ZNF69: variants seen among roughly 807,000 people sequenced by gnomAD.
ZNF69 encodes ZNF3.
In ZNF69, 47 loss-of-function variants were observed where a neutral mutation model predicts 50.9. That is an observed-to-expected ratio of 0.92 (90% confidence interval 0.73 to 1.18). The LOEUF (loss-of-function observed/expected upper bound fraction) is 1.18, where lower values mean the gene tolerates loss of function less well. Ranked by LOEUF, ZNF69 falls within the 50% of genes most tolerant of loss-of-function variation. The pLI is 0.00. For missense variants in ZNF69, 717 were observed against 675.1 expected (o/e 1.06, Z -0.69); for synonymous variants, 216 against 223.1 (o/e 0.97, Z 0.29).
At chr19:11,919,783 C>T in the ZNF69 span, among the ~76,000 whole-genome samples, 322 of 152,276 alleles carry the variant, frequency 2.1e-3, 2 homozygotes, top group African/African-American at 6.8e-3. Context: ...CAGGAAGACA[C>T]TCTTCACTAG....
At chr19:11,920,104 CTTTTTTT>C in the ZNF69 span, among the ~76,000 whole-genome samples, 2 of 137,234 alleles carry the variant, frequency 1.5e-5, no homozygotes, top group East Asian at 2.1e-4. Context: ...GGAACTTTTA[CTTTTTTT>C]TTTTTTTTTT....
chr19:11,906,824 CTT>C (rs2145246022), downstream of ZNF69, among the ~76,000 whole-genome samples: 1 of 152,306 alleles, frequency 6.6e-6, no homozygotes, highest in East Asian at 1.9e-4. Flanking sequence ...TGGACTTTGA[CTT>C]TGACGAGCTG....
At chr19:11,946,041 G>A in the ZNF69 span, among the ~76,000 whole-genome samples, 1 of 152,170 alleles carries the variant, frequency 6.6e-6, no homozygotes, top group African/African-American at 2.4e-5. Flanking sequence ...CTATGTCCTT[G>A]TCCCTGACTG....
the ZNF69 span, among the ~76,000 whole-genome samples, chr19:11,921,818 T>G: frequency 5.3e-5 from 8 of 152,152 alleles, no homozygotes; most frequent in African/African-American, 1.9e-4. Context: ...ATGGAAATAT[T>G]TCAAAGGGAA....
Position 11,913,737 on chromosome 19 carries a change from ACCTCTGAGTG to A in ZNF69, c.*331_*340del, listed in dbSNP as rs1411544103. 7.2e-5 allele frequency: 13 copies of A among 181,430 alleles called. No homozygotes were observed. The East Asian group carries it at 1.7e-3, about 24-fold the overall frequency. 11.2% of individuals were successfully genotyped at this position (181,430 alleles called of 1,614,324 possible). On this transcript the variant is annotated 3_prime_UTR_variant, in exon 5 of 5. Transcript: ENST00000340180. ...CATAATACCAACAGTTATCTCATGT[ACCTCTGAGTG>A]CCTTCTTCCCAAAAGCCAGCAGTAC...
the ZNF69 span, among the ~76,000 whole-genome samples, chr19:11,920,431 A>G: frequency 6.6e-6 from 1 of 152,072 alleles, no homozygotes; most frequent in Non-Finnish European, 1.5e-5. Flanking sequence ...GTATATAAAT[A>G]TGTGTGTGTG....
At chr19:11,978,508 G>A in the ZNF69 span, 1 of 1,614,112 alleles carries the variant, frequency 6.2e-7, no homozygotes, top group African/African-American at 1.3e-5. Flanking sequence ...GTAATGCACA[G>A]TGGGGATGGA....
the ZNF69 span, chr19:11,965,325 G>T: frequency 6.9e-7 from 1 of 1,448,306 alleles, no homozygotes; most frequent in Non-Finnish European, 9.5e-7. Context: ...GTCTGGGACC[G>T]AGTCCTCCTG....
chr19:11,977,322 T>G, the ZNF69 span: 1 of 1,605,746 alleles, frequency 6.2e-7, no homozygotes, highest in Non-Finnish European at 8.5e-7. Context: ...AATAATTTTT[T>G]CACAGTTTTA....
the ZNF69 span, among the ~76,000 whole-genome samples, chr19:11,965,630 A>G: frequency 6.2e-3 from 944 of 152,330 alleles, 6 homozygotes; most frequent in African/African-American, 0.022. Flanking sequence ...ATTAACAATT[A>G]AAGAGTTCAT....
Position 11,904,873 on chromosome 19 carries a change from A to G in ZNF69, c.476A>G (p.Tyr159Cys). ...CACAAGGCCTATGAGTATCAGGAAT[A>G]TGGACCGAAGCCATGTAAGTGTCAA... ...IGHKAYEYQEYGPKPCKCQQP... is the reference protein window; with the variant it reads ...IGHKAYEYQECGPKPCKCQQP... Residue 159 changes from tyrosine to cysteine, a missense_variant, in exon 4 of 4, where the codon TAT becomes TGT. Coordinates refer to ENST00000429654, the MANE Select transcript of ZNF69 (RefSeq NM_001364730.1). The G allele has an allele frequency of 6.2e-7, 1 of 1,614,208 alleles. No homozygotes were observed. Among genetic ancestry groups the G allele is most frequent in the Non-Finnish European group, 8.5e-7 (1 of 1,180,042 alleles).
the ZNF69 span, among the ~76,000 whole-genome samples, chr19:11,974,552 T>G: frequency 6.6e-6 from 1 of 150,554 alleles, no homozygotes; most frequent in African/African-American, 2.5e-5. Flanking sequence ...ATATGTTTGT[T>G]TGACATAATT....
At chr19:11,956,314 A>G in the ZNF69 span, among the ~76,000 whole-genome samples, 2 of 152,202 alleles carry the variant, frequency 1.3e-5, no homozygotes, top group African/African-American at 2.4e-5. Context: ...TTTGACATGC[A>G]CACGGAAGGA....
At chr19:11,970,367 G>A in the ZNF69 span, among the ~76,000 whole-genome samples, 1 of 152,234 alleles carries the variant, frequency 6.6e-6, no homozygotes, top group South Asian at 2.1e-4. Context: ...GGAACTGGGA[G>A]GAGGTGGAGA....
chr19:11,950,581 G>T, the ZNF69 span: 1 of 498,866 alleles, frequency 2.0e-6, no homozygotes, highest in South Asian at 1.9e-5. Context: ...CACCTTCAAC[G>T]GCATGGAAGG....
At position 11,894,192 on chromosome 19, in the gene ZNF69, C is replaced by T. The variant is rs1190458507; in HGVS notation, c.63+6206C>T. ...AAACAGAGATCTTTTTTTTTTGAGACAGAGCCTTGCTCAGTCGCCCAGGCT... is the reference window on the plus strand; with the variant it reads ...AAACAGAGATCTTTTTTTTTTGAGATAGAGCCTTGCTCAGTCGCCCAGGCT... On this transcript the variant is annotated intron_variant, in intron 1 of 3. Coordinates refer to ENST00000429654, the MANE Select transcript of ZNF69 (RefSeq NM_001364730.1). Among the ~76,000 whole-genome samples the T allele has an allele frequency of 3.3e-5, 5 of 152,018 alleles. No individual in the cohort carries two copies. In the East Asian group the frequency reaches 7.7e-4, roughly 23 times the overall value.
chr19:11,899,432 A>G (rs1453151609), intron 1 of ZNF69, among the ~76,000 whole-genome samples: 1 of 152,018 alleles, frequency 6.6e-6, no homozygotes, highest in African/African-American at 2.4e-5. Flanking sequence ...CCGGCCACTC[A>G]TTTTCTTTCA....
chr19:11,948,466 G>A, the ZNF69 span: 2 of 1,614,108 alleles, frequency 1.2e-6, no homozygotes, highest in Admixed American at 3.3e-5. Flanking sequence ...CATCAGAGGT[G>A]ACACTGGACA....
At chr19:11,938,400 A>G in the ZNF69 span, among the ~76,000 whole-genome samples, 1 of 152,064 alleles carries the variant, frequency 6.6e-6, no homozygotes, top group Non-Finnish European at 1.5e-5. Flanking sequence ...CTACCCCATG[A>G]CAGGCCCCGG....
Sources: gnomAD v4.1 joint callset for allele counts (sites outside exome capture counted in the v4.1 genomes callset) on GRCh38, gnomAD v4.1.1 for gene constraint, MANE v1.5 for transcripts, NCBI Gene and HGNC (gene_info 2026-07-23, HGNC 2026-07-21) for gene names.